The following DIO1 variants were observed in gnomAD, a reference collection of about 807,000 sequenced individuals.
The protein encoded by DIO1 is type I iodothyronine deiodinase.
DIO1 carries 17 observed loss-of-function variants against 25.9 expected under a neutral mutation model. That is an observed-to-expected ratio of 0.66 (90% CI 0.45 to 0.98). The LOEUF is 0.98. Among genes scored for constraint, DIO1 ranks in the 50% least tolerant of loss-of-function variants. The pLI, the probability that DIO1 is intolerant of heterozygous loss-of-function variation, is 0.00. For synonymous variants in DIO1, 115 were observed against 114.0 expected (o/e 1.01, Z -0.05); for missense variants, 270 against 310.4 (o/e 0.87, Z 0.98).
intron 1 of DIO1, among the ~76,000 whole-genome samples, chr1:53,900,204 A>G (rs1170181920): frequency 6.6e-6 from 1 of 152,226 alleles, no homozygotes; most frequent in Non-Finnish European, 1.5e-5. Context: ...GCCACCAGGA[A>G]GCTCAGAGTC....
intron 2 of DIO1, among the ~76,000 whole-genome samples, chr1:53,905,577 A>C (rs1651612358): frequency 6.6e-6 from 1 of 152,222 alleles, no homozygotes; most frequent in African/African-American, 2.4e-5. Context: ...GTTAAAACGC[A>C]GATGTCTGGG....
chr1:53,899,091 C>T (rs753671067), intron 1 of DIO1, among the ~76,000 whole-genome samples: 21 of 152,174 alleles, frequency 1.4e-4, no homozygotes, highest in Non-Finnish European at 2.6e-4. Flanking sequence ...CGCACACACA[C>T]ACAATATACA....
chr1:53,907,394 T>A lies in DIO1; in HGVS notation c.681+1100T>A, dbSNP rs140101303. ...AACCAAGTATGTGGATGCTCCTCTGTCCACAGATCAAGATCAAGCTGACCC... is the reference window on the plus strand; with the variant it reads ...AACCAAGTATGTGGATGCTCCTCTGACCACAGATCAAGATCAAGCTGACCC... On this transcript the variant is annotated intron_variant, in intron 3 of 3. Transcript: ENST00000361921. Among the ~76,000 whole-genome samples, 767 of 152,208 alleles carry A rather than the reference T, an allele frequency of 5.0e-3. 4 individuals are homozygous for A. Among genetic ancestry groups the A allele is most frequent in the African/African-American group, 0.018 (728 of 41,504 alleles).
In DIO1 at chr1:53,894,341, T is replaced by C. The variant is rs764259068; in HGVS notation, c.131T>C (p.Met44Thr). The part of the protein sequence containing the change: ...PDRVKRNILA[M>T]GEKTGMTRNP... ...AGAGTCAAGCGGAACATCCTGGCCA[T>C]GGGCGAGAAGACGGGTATGACCAGG... The change falls in exon 1 of 4, where the codon ATG becomes ACG. Residue 44 changes from methionine (M) to threonine (T), a missense_variant. Met to Thr is a moderately conservative substitution (Grantham distance 81, BLOSUM62 -1). Transcript: ENST00000361921. This position sits in a 1 kb window ranked among gnomAD's most constrained non-coding sequence, Gnocchi z 4.9. The C allele has an allele frequency of 6.2e-7, 1 of 1,614,154 alleles. No individual in the cohort carries two copies. The highest frequency in any genetic ancestry group is 1.1e-5 in the South Asian group (1 of 91,086).
intron 1 of DIO1, among the ~76,000 whole-genome samples, chr1:53,898,744 CAAAAAA>C (rs60469690): frequency 0.2 from 21,796 of 106,616 alleles, 1,692 homozygotes; most frequent in South Asian, 0.3. Flanking sequence ...GACTCTGTCT[CAAAAAA>C]AAAAAAAAAA....
intron 1 of DIO1, among the ~76,000 whole-genome samples, chr1:53,904,196 A>G (rs949210911): frequency 1.3e-5 from 2 of 152,244 alleles, no homozygotes; most frequent in African/African-American, 4.8e-5. Flanking sequence ...ATGAATAGAA[A>G]GAGCACTGAA....
rs1328680979 is a variant in DIO1 at position 53,910,771 on chromosome 1, A to T, written c.*772A>T. 6.6e-6 allele frequency: 1 copy of T among 152,336 alleles called. No individual in the cohort carries two copies. The highest frequency in any genetic ancestry group is 2.4e-5 in the African/African-American group (1 of 41,458). The allele number at this position is 152,336 out of a possible 1,614,324, so 9.4% of individuals were successfully genotyped here. Reference sequence around the variant, plus strand: ...TTTTCAACAGAGTCATCTAGAAGGGAGGGTTGGCTTCCCAAAAGCATAACC... The same window carrying T: ...TTTTCAACAGAGTCATCTAGAAGGGTGGGTTGGCTTCCCAAAAGCATAACC... On this transcript the variant is annotated 3_prime_UTR_variant, in exon 4 of 4. Transcript: ENST00000361921.
At chr1:53,900,982 CT>C (rs71063891) in intron 1 of DIO1, among the ~76,000 whole-genome samples, 329 of 72,022 alleles carry the variant, frequency 4.6e-3, no homozygotes, top group African/African-American at 0.017. Context: ...GGCCAGCTAA[CT>C]TTTTTTTTTT....
chr1:53,901,364 G>A (rs1172207888), intron 1 of DIO1, among the ~76,000 whole-genome samples: 2 of 152,136 alleles, frequency 1.3e-5, no homozygotes, highest in East Asian at 3.8e-4. Flanking sequence ...GAAAGGTGTT[G>A]AGTGCTTTCC....
At chr1:53,900,982 CTTTTT>C (rs71063891) in intron 1 of DIO1, among the ~76,000 whole-genome samples, 809 of 72,016 alleles carry the variant, frequency 0.011, 13 homozygotes, top group African/African-American at 0.044. Context: ...GGCCAGCTAA[CTTTTT>C]TTTTTTTTTT....
In DIO1 at chr1:53,904,700, T is replaced by C. The variant is rs1482588170; in HGVS notation, c.372T>C (p.Cys124=). The part of the protein sequence containing the change: ...NRPLVLNFGS[C]TUPSFMFKFD... Reference sequence around the variant, plus strand: ...CACTGGTGCTGAATTTTGGAAGTTGTACCTGACCTTCATTTATGTTCAAAT... The same window carrying C: ...CACTGGTGCTGAATTTTGGAAGTTGCACCTGACCTTCATTTATGTTCAAAT... The change falls in exon 2 of 4, where the codon TGT becomes TGC. Residue 124 remains cysteine, a synonymous_variant. Transcript: ENST00000361921. The C allele has an allele frequency of 1.2e-6, 2 of 1,613,914 alleles. No individual in the cohort carries two copies. The highest frequency in any genetic ancestry group is 1.7e-5 in the Admixed American group (1 of 59,984).
At chr1:53,908,020 G>A (rs1279628303) in intron 3 of DIO1, among the ~76,000 whole-genome samples, 3 of 150,334 alleles carry the variant, frequency 2.0e-5, no homozygotes, top group African/African-American at 7.4e-5. Flanking sequence ...TCATGAATTC[G>A]AGACCAGCCT....
chr1:53,895,057 G>A (rs1041267774), intron 1 of DIO1, among the ~76,000 whole-genome samples: 1 of 152,152 alleles, frequency 6.6e-6, no homozygotes, highest in Non-Finnish European at 1.5e-5. Flanking sequence ...AATGCAGGTC[G>A]AGACCATTGC....
rs1339525280 is a variant in DIO1, at chr1:53,903,444, C to G, written c.338-1222C>G. 2.0e-5 allele frequency among the ~76,000 whole-genome samples: 3 copies of G among 151,744 alleles called. 1 individual carries two copies. Among genetic ancestry groups the G allele is most frequent in the African/African-American group, 7.3e-5 (3 of 41,044 alleles). ...ACTCGGTCTCTGGGGTGCTGGGTAG[C>G]TGTGAGGATCTGCTCTCACTCTATG... is the stretch of plus-strand genomic sequence containing the variant. On this transcript the variant is annotated intron_variant, in intron 1 of 3. Transcript: ENST00000361921.
At chr1:53,895,001 G>A (rs554564060) in intron 1 of DIO1, among the ~76,000 whole-genome samples, 33 of 152,208 alleles carry the variant, frequency 2.2e-4, no homozygotes, top group Admixed American at 5.2e-4. Context: ...AATTATGTAC[G>A]GCTGGCTAGG....
rs1651572485 is a variant in DIO1, at chr1:53,904,924, A to G, written c.481+115A>G. 5.8e-6 allele frequency: 7 copies of G among 1,199,542 alleles called. No individual in the cohort carries two copies. The South Asian group carries it at 7.5e-5, about 13-fold the overall frequency. 74.3% of individuals were successfully genotyped at this position (1,199,542 alleles called of 1,614,324 possible). A position where few individuals can be genotyped will look rare whatever the true frequency, so the allele number is the denominator to read the frequency against. Reference sequence around the variant, plus strand: ...GAAGGAGGAAGAGGAGGGGAGAGGGAAAGAGCCACTATTCACTGAGCACCC... The same window carrying G: ...GAAGGAGGAAGAGGAGGGGAGAGGGGAAGAGCCACTATTCACTGAGCACCC... On this transcript the variant is annotated intron_variant, in intron 2 of 3. Coordinates refer to ENST00000361921, the MANE Select transcript of DIO1 (RefSeq NM_000792.7).
At chr1:53,906,759 C>T (rs907102313) in intron 3 of DIO1, among the ~76,000 whole-genome samples, 3 of 151,952 alleles carry the variant, frequency 2.0e-5, no homozygotes, top group African/African-American at 7.3e-5. Flanking sequence ...CGGGTTCAAG[C>T]AATTCTCCTG....
At chr1:53,902,092 G>GT (rs1651398396) in intron 1 of DIO1, among the ~76,000 whole-genome samples, 1 of 150,856 alleles carries the variant, frequency 6.6e-6, no homozygotes, top group African/African-American at 2.5e-5. Context: ...CCTGCCAGTG[G>GT]TTTTGTGGGG....
rs542992057 is a variant in DIO1 at position 53,901,468 on chromosome 1, T to G, written c.338-3198T>G. Reference sequence around the variant, plus strand: ...TCATTGTGGTTGCCATGGGAACCCATCACCATCCCTTACAGGAGCACCACA... The same window carrying G: ...TCATTGTGGTTGCCATGGGAACCCAGCACCATCCCTTACAGGAGCACCACA... On this transcript the variant is annotated intron_variant, in intron 1 of 3. Transcript: ENST00000361921. Among the ~76,000 whole-genome samples the G allele has an allele frequency of 2.0e-3, 302 of 152,256 alleles. 1 individual carries two copies. Among genetic ancestry groups the G allele is most frequent in the Non-Finnish European group, 3.9e-3 (263 of 68,016 alleles).
Sources: gnomAD v4.1 joint callset for allele counts (sites outside exome capture counted in the v4.1 genomes callset) on GRCh38, gnomAD v4.1.1 for gene constraint, Gnocchi (gnomAD v3.1) non-coding constraint, MANE v1.5 for transcripts, NCBI Gene and HGNC (gene_info 2026-07-23, HGNC 2026-07-21) for gene names.